Variants in MUSK observed in about 807,000 individuals in gnomAD.
The protein encoded by MUSK is muscle, skeletal receptor tyrosine-protein kinase.
MUSK carries 55 observed loss-of-function variants against 88.7 expected under a neutral mutation model. The ratio of observed to expected loss-of-function variants is 0.62; its 90% CI spans 0.50 to 0.78. MUSK has a LOEUF of 0.78. MUSK is among the 30% of genes least tolerant of loss of function. The probability of loss-of-function intolerance (pLI) is 0.00; values close to 1 mark genes in which losing one functional copy is unlikely to be tolerated. For synonymous variants in MUSK, 387 were observed against 391.9 expected, an observed-to-expected ratio of 0.99 and a Z score of 0.15; for missense variants, 1,015 against 1,074.3, an observed-to-expected ratio of 0.94 and a Z score of 0.77.
Position 110,784,816 on chromosome 9 carries a change from A to T in MUSK, c.1386A>T (p.Thr462=). 6.2e-7 allele frequency: 1 copy of T among 1,606,688 alleles called. No individual in the cohort carries two copies. Among genetic ancestry groups the T allele is most frequent in the Non-Finnish European group, 8.5e-7 (1 of 1,176,018 alleles). The change falls in exon 12 of 15, where the codon ACA becomes ACT. Residue 462 remains threonine, a splice_region_variant and synonymous_variant. Transcript: ENST00000374448. ...HLDYNKENLK[T]FPPMTSSKPS... ...GAAATAATTATTCTTTACTTACAGCATTCCCACCAATGACGTCCTCAAAGC... is the reference window on the plus strand; with the variant it reads ...GAAATAATTATTCTTTACTTACAGCTTTCCCACCAATGACGTCCTCAAAGC...
chr9:110,695,736 C>CA (rs2076422963), intron 4 of MUSK, among the ~76,000 whole-genome samples: 1 of 151,442 alleles, frequency 6.6e-6, no homozygotes, highest in Non-Finnish European at 1.5e-5. Context: ...AGATGGGAAC[C>CA]AATAATGTTA....
chr9:110,754,384 T>A (rs918080094), intron 7 of MUSK, among the ~76,000 whole-genome samples: 3 of 152,202 alleles, frequency 2.0e-5, no homozygotes, highest in Non-Finnish European at 4.4e-5. Flanking sequence ...ACTACAAATA[T>A]TGGTGGGATA....
intron 6 of MUSK, among the ~76,000 whole-genome samples, chr9:110,739,650 G>A (rs1474910802): frequency 6.6e-6 from 1 of 152,130 alleles, no homozygotes; most frequent in Non-Finnish European, 1.5e-5. Flanking sequence ...ACCTTTCTTT[G>A]GAATGTGTAG....
chr9:110,744,880 C>G (rs1387267944), intron 6 of MUSK, among the ~76,000 whole-genome samples: 1 of 152,194 alleles, frequency 6.6e-6, no homozygotes, highest in African/African-American at 2.4e-5. Context: ...TTGGTAAAAG[C>G]TCACAGTACT....
intron 11 of MUSK, among the ~76,000 whole-genome samples, chr9:110,782,105 T>A (rs2077770163): frequency 6.6e-6 from 1 of 152,238 alleles, no homozygotes; most frequent in Non-Finnish European, 1.5e-5. Flanking sequence ...AGACTTCTCA[T>A]GTTCACCACA....
intron 7 of MUSK, among the ~76,000 whole-genome samples, chr9:110,756,354 A>G (rs1791091205): frequency 6.6e-6 from 1 of 151,738 alleles, no homozygotes; most frequent in Non-Finnish European, 1.5e-5. Context: ...GTAACCTGCA[A>G]TTGCTTATGA....
chr9:110,731,631 A>G (rs1564251419), intron 5 of MUSK, among the ~76,000 whole-genome samples: 1 of 152,038 alleles, frequency 6.6e-6, no homozygotes, highest in East Asian at 1.9e-4. Flanking sequence ...GCCATAGCCT[A>G]TCTGCCCCCT....
chr9:110,797,950 T>C (rs2078035828), intron 14 of MUSK, among the ~76,000 whole-genome samples: 3 of 152,228 alleles, frequency 2.0e-5, no homozygotes, highest in African/African-American at 7.2e-5. Context: ...TTTTCCAATT[T>C]AACCACAGTA....
Position 110,668,943 on chromosome 9 carries a change from T to C in MUSK, c.39T>C (p.Leu13=). ...ELVNIPLVHI[L]TLVAFSGTEK... ...TCAACATTCCACTGGTACATATTCT[T>C]ACTCTGGTTGCCTTCAGCGGAACTG... The change falls in exon 1 of 15, where the codon CTT becomes CTC. Residue 13 remains leucine (L), a synonymous_variant. Transcript: ENST00000374448. 4 of 1,613,864 alleles carry C rather than the reference T, an allele frequency of 2.5e-6. No homozygotes were observed. Among genetic ancestry groups the C allele is most frequent in the South Asian group, 1.1e-5 (1 of 91,082 alleles).
At chr9:110,711,365 A>T (rs1301490621) in intron 5 of MUSK, among the ~76,000 whole-genome samples, 1 of 152,134 alleles carries the variant, frequency 6.6e-6, no homozygotes, top group Non-Finnish European at 1.5e-5. Context: ...CCTTTTAGTG[A>T]ACTAAGGTTG....
At chr9:110,731,620 A>G (rs913924205) in intron 5 of MUSK, among the ~76,000 whole-genome samples, 22 of 152,072 alleles carry the variant, frequency 1.4e-4, no homozygotes, top group African/African-American at 5.3e-4. Flanking sequence ...ACCCATGGTC[A>G]GCCATAGCCT....
chr9:110,687,598 G>C (rs1169641367), intron 3 of MUSK, among the ~76,000 whole-genome samples: 1 of 152,126 alleles, frequency 6.6e-6, no homozygotes, highest in African/African-American at 2.4e-5. Flanking sequence ...GCATCCTGAA[G>C]TGCTGGAATT....
chr9:110,781,386 C>T (rs1479536193), intron 11 of MUSK, among the ~76,000 whole-genome samples: 1 of 152,208 alleles, frequency 6.6e-6, no homozygotes. Context: ...ACGCCATCCT[C>T]TTGCCTCAGC....
chr9:110,803,094 CG>C lies in MUSK; in HGVS notation c.*2109del, dbSNP rs2078117832. 6.6e-6 allele frequency among the ~76,000 whole-genome samples: 1 copy of C among 152,138 alleles called. No individual in the cohort carries two copies. The highest frequency in any genetic ancestry group is 1.5e-5 in the Non-Finnish European group (1 of 68,016). On this transcript the variant is annotated 3_prime_UTR_variant, in exon 15 of 15. Transcript: ENST00000374448. ...GCTCTGCAAAATTCAAAGACAGCTT[CG>C]GGCTTTCTCCGCTGATAAAGTTTTG...
intron 7 of MUSK, among the ~76,000 whole-genome samples, chr9:110,751,112 C>A (rs982127872): frequency 6.6e-6 from 1 of 152,120 alleles, no homozygotes; most frequent in South Asian, 2.1e-4. Context: ...CTACTCCACA[C>A]AAGGGAAGAT....
At position 110,674,397 on chromosome 9, in the gene MUSK, A is replaced by G. The variant is rs758884414; in HGVS notation, c.79+5414A>G. ...TTAATAATGATTGTATATAACAATC[A>G]CCTCTCAAAATTCCTAAAAAATTAC... On this transcript the variant is annotated intron_variant, in intron 1 of 14. Transcript: ENST00000374448. 7.9e-5 allele frequency among the ~76,000 whole-genome samples: 12 copies of G among 152,298 alleles called. No individual in the cohort carries two copies. In the South Asian group the frequency reaches 8.3e-4, roughly 11 times the overall value.
chr9:110,728,438 T>C (rs1430953304), intron 5 of MUSK: 1 of 477,930 alleles, frequency 2.1e-6, no homozygotes, highest in Admixed American at 3.8e-5. Context: ...CTGTAGTTTA[T>C]TTTCTGTATA....
At chr9:110,702,950 A>C (rs2076551084) in intron 5 of MUSK, among the ~76,000 whole-genome samples, 2 of 152,028 alleles carry the variant, frequency 1.3e-5, no homozygotes, top group African/African-American at 4.8e-5. Flanking sequence ...GTTCCAGGCC[A>C]AAAAACCCAC....
In MUSK at chr9:110,805,642, C is replaced by T. The variant is rs1420480614; in HGVS notation, c.*4654C>T. Among the ~76,000 whole-genome samples the T allele has an allele frequency of 6.6e-6, 1 of 151,872 alleles. No individual in the cohort carries two copies. Among genetic ancestry groups the T allele is most frequent in the East Asian group, 1.9e-4 (1 of 5,198 alleles). On this transcript the variant is annotated 3_prime_UTR_variant, in exon 15 of 15. Transcript: ENST00000374448. ...GTCTTTTATTGTAGGTTTTATCAAT[C>T]AGAAAAGAATGTTGACTTTTCCGTC...
Sources: gnomAD v4.1 joint callset for allele counts (sites outside exome capture counted in the v4.1 genomes callset) on GRCh38, gnomAD v4.1.1 for gene constraint, MANE v1.5 for transcripts, NCBI Gene and HGNC (gene_info 2026-07-23, HGNC 2026-07-21) for gene names.